TSPEAR: variants seen among roughly 807,000 people sequenced by gnomAD.
The protein encoded by TSPEAR is thrombospondin-type laminin G domain and EAR repeat-containing protein.
TSPEAR carries 69 observed loss-of-function variants against 71.6 expected under a neutral mutation model. The observed-to-expected ratio is 0.96, with a 90% CI of 0.79 to 1.18. The LOEUF is 1.18. Ranked by LOEUF, TSPEAR falls within the 50% of genes most tolerant of loss-of-function variation. The pLI is 0.00. For synonymous variants in TSPEAR, 402 were observed against 387.2 expected (o/e 1.04, Z -0.45); for missense variants, 971 against 894.9 (o/e 1.09, Z -1.09).
At position 44,558,738 on chromosome 21, in the gene TSPEAR, C is replaced by A. The variant is rs1213203497; in HGVS notation, c.303+9047G>T. 4 of 1,576,664 alleles carry A rather than the reference C, an allele frequency of 2.5e-6. No individual in the cohort carries two copies. In the African/African-American group the frequency reaches 5.4e-5, roughly 21 times the overall value. On this transcript the variant is annotated intron_variant, in intron 2 of 11. Transcript: ENST00000323084. The stretch of plus-strand genomic sequence containing the variant: ...CATGCTGGGGTGGGGAGGAGGTGAG[C>A]TGGGGGAGACGTGAGTGAGTGAGTG...
chr21:44,710,532 C>G lies in TSPEAR; in HGVS notation c.82+901G>C, dbSNP rs1988166661. Among the ~76,000 whole-genome samples the G allele has an allele frequency of 6.6e-6, 1 of 152,132 alleles. No individual in the cohort carries two copies. The highest frequency in any genetic ancestry group is 6.5e-5 in the Admixed American group (1 of 15,284). ...GCCATCCGAGCAGAGAGCTGTGGCC[C>G]GGTGCCGGGGGTGGACTTCATCTAT... On this transcript the variant is annotated intron_variant, in intron 1 of 11. Transcript: ENST00000323084. The surrounding 1 kb of genome is among the most constrained non-coding windows in gnomAD (Gnocchi z 4.6).
Position 44,666,864 on chromosome 21 carries a change from G to A in TSPEAR, c.82+44569C>T, listed in dbSNP as rs373803066. On this transcript the variant is annotated intron_variant, in intron 1 of 11. Transcript: ENST00000323084. Reference sequence around the variant, plus strand: ...CGCGCAGCAGGCTGGCTGGCAGCCCGAGGAGCAGCTGGTATGACACATGGT... The same window carrying A: ...CGCGCAGCAGGCTGGCTGGCAGCCCAAGGAGCAGCTGGTATGACACATGGT... 5.7e-5 allele frequency: 92 copies of A among 1,613,572 alleles called. No individual in the cohort carries two copies. The highest frequency in any genetic ancestry group is 3.3e-4 in the Middle Eastern group (2 of 6,082).
intron 1 of TSPEAR, among the ~76,000 whole-genome samples, chr21:44,703,333 C>T (rs1987748874): frequency 6.6e-6 from 1 of 152,250 alleles, no homozygotes; most frequent in Admixed American, 6.5e-5. Flanking sequence ...CCAGGCAGCT[C>T]TCAGGGTGAC....
At chr21:44,702,574 G>A (rs1987708384) in intron 1 of TSPEAR, 1 of 1,608,816 alleles carries the variant, frequency 6.2e-7, no homozygotes. Context: ...CTGCCAGCCG[G>A]CTTGCTGCAC....
intron 9 of TSPEAR, among the ~76,000 whole-genome samples, chr21:44,513,108 C>G (rs987591499): frequency 6.6e-6 from 1 of 152,238 alleles, no homozygotes; most frequent in African/African-American, 2.4e-5. Context: ...TTATCTGCAA[C>G]TGGCTGGAGG....
chr21:44,516,997 G>A (rs1555913529), intron 9 of TSPEAR, among the ~76,000 whole-genome samples: 1 of 152,168 alleles, frequency 6.6e-6, no homozygotes, highest in Non-Finnish European at 1.5e-5. Context: ...TCCCACCTCA[G>A]CGGCTGCTGC....
intron 1 of TSPEAR, among the ~76,000 whole-genome samples, chr21:44,595,696 T>C (rs781886705): frequency 1.3e-5 from 2 of 152,238 alleles, no homozygotes; most frequent in Admixed American, 6.5e-5. Context: ...CTGTTTACCA[T>C]ATGCGAGCTG....
rs1175658561 is a variant in TSPEAR at position 44,539,417 on chromosome 21, C to T, written c.304-5494G>A. 8.1e-6 allele frequency: 13 copies of T among 1,602,606 alleles called. No individual in the cohort carries two copies. The East Asian group carries it at 1.1e-4, about 14-fold the overall frequency. On this transcript the variant is annotated intron_variant, in intron 2 of 11. Coordinates refer to ENST00000323084, the MANE Select transcript of TSPEAR (RefSeq NM_144991.3). The stretch of plus-strand genomic sequence containing the variant: ...GGCACAGCAGGAGGAGACAGGCATA[C>T]AGCAGGCGGGCCGGCATACAGGGCG...
At chr21:44,587,123 C>T (rs998218476) in intron 1 of TSPEAR, among the ~76,000 whole-genome samples, 3 of 152,110 alleles carry the variant, frequency 2.0e-5, no homozygotes, top group African/African-American at 4.8e-5. Flanking sequence ...ATGATATGAT[C>T]GTACACCTAG....
At chr21:44,629,329 C>T (rs1243490415) in intron 1 of TSPEAR, among the ~76,000 whole-genome samples, 6 of 152,274 alleles carry the variant, frequency 3.9e-5, no homozygotes, top group Non-Finnish European at 4.4e-5. Flanking sequence ...CCTCACAGTC[C>T]TGGGGCTGGA....
rs1352473936 is a variant in TSPEAR at position 44,509,028 on chromosome 21, T to TC, written c.1754+170dup. 7.8e-6 allele frequency: 11 copies of TC among 1,418,968 alleles called. No individual in the cohort carries two copies. In the Admixed American group the frequency reaches 2.3e-4, roughly 29 times the overall value. 87.9% of individuals were successfully genotyped at this position (1,418,968 alleles called of 1,614,324 possible). On this transcript the variant is annotated intron_variant, in intron 10 of 11. Transcript: ENST00000323084. ...CACTGACTTCCCCAGGCCAGGAAAG[T>TC]CCCCAGGCCATTCTTTCCACAGGAA...
chr21:44,534,337 G>C (rs1264729699), intron 2 of TSPEAR, among the ~76,000 whole-genome samples: 1 of 85,718 alleles, frequency 1.2e-5, no homozygotes, highest in Admixed American at 1.1e-4. Context: ...TGAGGGGTGG[G>C]GCTGGTGTGG....
chr21:44,666,294 A>T, intron 1 of TSPEAR: 1 of 993,810 alleles, frequency 1.0e-6, no homozygotes, highest in Non-Finnish European at 1.5e-6. Flanking sequence ...GCTCCAGATC[A>T]TTCTGTCACA....
Position 44,567,890 on chromosome 21 carries a change from G to T in TSPEAR, c.198C>A (p.Pro66=). 1.2e-6 allele frequency: 2 copies of T among 1,608,738 alleles called. No homozygotes were observed. Among genetic ancestry groups the T allele is most frequent in the South Asian group, 2.2e-5 (2 of 90,218 alleles). ...TGGATGCTGGGAAGCTCATGGTGCG[G>T]GGGGCGGCTACTGAGAGCTGGAGTC... ...ARGLQLSVAA[P]RTMSFPASRI... Residue 66 remains proline (P), a synonymous_variant, in exon 2 of 12, where the codon CCC becomes CCA. Coordinates refer to ENST00000323084, the MANE Select transcript of TSPEAR (RefSeq NM_144991.3).
intron 9 of TSPEAR, among the ~76,000 whole-genome samples, chr21:44,512,352 T>TGGGGG (rs2052413503): frequency 1.5e-5 from 1 of 66,588 alleles, no homozygotes; most frequent in Non-Finnish European, 3.0e-5. Context: ...TGGGGTGGGG[T>TGGGGG]GGGTGCCACT....
In TSPEAR at chr21:44,534,570, G is replaced by A. The variant is rs372211595; in HGVS notation, c.304-647C>T. The stretch of plus-strand genomic sequence containing the variant: ...TAGGGACCGGCTTAGTCAGGAGCAC[G>A]GGTCCATGGTAAAACCCAAAGGCAC... On this transcript the variant is annotated intron_variant, in intron 2 of 11. Coordinates refer to ENST00000323084, the MANE Select transcript of TSPEAR (RefSeq NM_144991.3). Among the ~76,000 whole-genome samples, 80 of 152,080 alleles carry A rather than the reference G, an allele frequency of 5.3e-4. No individual in the cohort carries two copies. The East Asian group carries it at 6.4e-3, about 12-fold the overall frequency.
rs2052957381 is a variant in TSPEAR at position 44,530,932 on chromosome 21, T to C, written c.633+111A>G. 8 of 883,690 alleles carry C rather than the reference T, an allele frequency of 9.1e-6. No individual in the cohort carries two copies. In the East Asian group the frequency reaches 2.0e-4, roughly 23 times the overall value. The allele number at this position is 883,690 out of a possible 1,614,324, so 54.7% of individuals were successfully genotyped here. The stretch of plus-strand genomic sequence containing the variant: ...AGACTCCACGCACGCTGTACCTTCT[T>C]TTCCCAGTTAGCACGTCCAAGGATC... On this transcript the variant is annotated intron_variant, in intron 4 of 11. Transcript: ENST00000323084.
At position 44,525,856 on chromosome 21, in the gene TSPEAR, C is replaced by T. The variant is rs782519781; in HGVS notation, c.1150-17G>A. The T allele has an allele frequency of 4.5e-5, 72 of 1,613,504 alleles. No individual in the cohort carries two copies. Among genetic ancestry groups the T allele is most frequent in the East Asian group, 2.0e-4 (9 of 44,860 alleles). On this transcript the variant is annotated splice_polypyrimidine_tract_variant and intron_variant, in intron 7 of 11. Transcript: ENST00000323084. ...CAGGAAGATCTGAAAGAGAGTAAAC[C>T]GGGACCACGTGGTTCTGCTTGGGTC...
intron 1 of TSPEAR, chr21:44,677,919 C>T (rs1280905420): frequency 1.1e-5 from 15 of 1,396,220 alleles, no homozygotes; most frequent in Non-Finnish European, 1.5e-5. Flanking sequence ...ACCAATACCT[C>T]CACCAAAAAA....
Sources: allele counts gnomAD v4.1 joint callset (sites outside exome capture counted in the v4.1 genomes callset), GRCh38; gene constraint gnomAD v4.1.1; non-coding constraint Gnocchi (gnomAD v3.1); transcripts MANE v1.5; gene names NCBI Gene and HGNC (gene_info 2026-07-23, HGNC 2026-07-21).